Variants in NOL9 observed in about 807,000 individuals in gnomAD.
NOL9 encodes nucleolar protein 9.
Under a neutral mutation model 67.9 loss-of-function variants are expected in NOL9, and 28 were observed. The observed-to-expected ratio is 0.41, with a 90% CI of 0.31 to 0.57. The LOEUF is 0.57. Among genes scored for constraint, NOL9 ranks in the 20% least tolerant of loss-of-function variants. The pLI, the probability that NOL9 is intolerant of heterozygous loss-of-function variation, is 0.25. For synonymous variants in NOL9, 356 were observed against 352.2 expected, an observed-to-expected ratio of 1.01 and a Z score of -0.12; for missense variants, 777 against 897.0, an observed-to-expected ratio of 0.87 and a Z score of 1.71.
chr1:6,545,645 T>C (rs1447666776), intron 3 of NOL9, among the ~76,000 whole-genome samples: 2 of 152,164 alleles, frequency 1.3e-5, no homozygotes, highest in Non-Finnish European at 2.9e-5. Context: ...GAGCAGGCCC[T>C]TGCTGAGGCA....
intron 9 of NOL9, among the ~76,000 whole-genome samples, chr1:6,531,503 A>G (rs866291007): frequency 2.0e-5 from 3 of 151,944 alleles, no homozygotes; most frequent in African/African-American, 7.3e-5. Context: ...GTGAGCCACC[A>G]CGCCCGGCTA....
intron 3 of NOL9, chr1:6,549,115 G>T: frequency 6.4e-6 from 1 of 155,474 alleles, no homozygotes; most frequent in Non-Finnish European, 1.4e-5. Context: ...AAATTAGCCG[G>T]GCATGGTGGC....
chr1:6,550,579 G>C lies in NOL9; in HGVS notation c.433C>G (p.Leu145Val), dbSNP rs375025359. 6.2e-7 allele frequency: 1 copy of C among 1,613,622 alleles called. No individual in the cohort carries two copies. Among genetic ancestry groups the C allele is most frequent in the Non-Finnish European group, 8.5e-7 (1 of 1,179,948 alleles). ...CCAAATACCTGCACCTGGCCATAGAGGCAAGTCACACGACAGATCCCACTA... is the reference window on the plus strand; with the variant it reads ...CCAAATACCTGCACCTGGCCATAGACGCAAGTCACACGACAGATCCCACTA... ...TFSGICRVTC[L>V]YGQVQVFGFT... The change falls in exon 2 of 12, where the codon CTC (leucine) becomes GTC (valine). Residue 145 changes from leucine (L) to valine (V), a missense_variant. Physicochemically the swap from Leu to Val is conservative, Grantham distance 32. Coordinates refer to ENST00000377705, the MANE Select transcript of NOL9 (RefSeq NM_024654.5).
At chr1:6,531,865 A>G in intron 9 of NOL9, 103 bp downstream of exon 9, 2 of 830,762 alleles carry the variant, frequency 2.4e-6, no homozygotes, top group Non-Finnish European at 2.0e-6. Context: ...TGAGGATTAA[A>G]TGAGCGAGGA....
chr1:6,522,990 A>C lies in NOL9; in HGVS notation c.*2864T>G, dbSNP rs964851822. ...AGCCTAGCCAATACGGTGAAACCCT[A>C]TCTCTACTAAAAATATAAAAATTAG... is the stretch of plus-strand genomic sequence containing the variant. On this transcript the variant is annotated 3_prime_UTR_variant, in exon 12 of 12. Transcript: ENST00000377705. 1.3e-5 allele frequency: 2 copies of C among 150,330 alleles called. No homozygotes were observed. Among genetic ancestry groups the C allele is most frequent in the Admixed American group, 6.7e-5 (1 of 14,980 alleles). The allele number at this position is 150,330 out of a possible 1,614,324, so 9.3% of individuals were successfully genotyped here. A position where few individuals can be genotyped will look rare whatever the true frequency, so the allele number is the denominator to read the frequency against.
At chr1:6,533,209 C>T (rs1233546999) in intron 7 of NOL9, 71 bp downstream of exon 7, 34 of 1,440,860 alleles carry the variant, frequency 2.4e-5, no homozygotes, top group Non-Finnish European at 2.9e-5. Flanking sequence ...TGGGCTTTAA[C>T]GTGAATGTCT....
chr1:6,532,374 G>C (rs1639048677), intron 8 of NOL9, 89 bp downstream of exon 8: 11 of 1,238,174 alleles, frequency 8.9e-6, no homozygotes, highest in Non-Finnish European at 1.1e-5. Flanking sequence ...GAAGATCTTA[G>C]AGGACTCAGG....
rs141759623 is a variant in NOL9 at position 6,531,077 on chromosome 1, G to A, written c.1647+891C>T. 5.1e-4 allele frequency among the ~76,000 whole-genome samples: 78 copies of A among 152,290 alleles called. 1 individual carries two copies. The highest frequency in any genetic ancestry group is 1.7e-3 in the African/African-American group (70 of 41,560). On this transcript the variant is annotated intron_variant, in intron 9 of 11. Transcript: ENST00000377705. ...AAGCATTTCAGAAGTGCTACCTGCC[G>A]CTAGTTTTGTTTTTTCATCATCCCG...
At chr1:6,537,911 CAGG>C (rs1329763779) in intron 6 of NOL9, among the ~76,000 whole-genome samples, 6 of 140,772 alleles carry the variant, frequency 4.3e-5, no homozygotes, top group African/African-American at 1.6e-4. Flanking sequence ...ATCATGAGGT[CAGG>C]AGATTGAGAC....
chr1:6,531,832 C>G, intron 9 of NOL9, 136 bp downstream of exon 9: 2 of 709,414 alleles, frequency 2.8e-6, no homozygotes, highest in Non-Finnish European at 5.0e-6. Flanking sequence ...AATAACGACA[C>G]AAGCTGTGTC....
chr1:6,529,694 G>A (rs1638977536), intron 9 of NOL9, among the ~76,000 whole-genome samples: 1 of 152,196 alleles, frequency 6.6e-6, no homozygotes, highest in African/African-American at 2.4e-5. Context: ...GGGAGGCCAA[G>A]GTGGGTTGAT....
intron 6 of NOL9, among the ~76,000 whole-genome samples, chr1:6,534,319 G>T (rs1046580394): frequency 1.3e-5 from 2 of 152,194 alleles, no homozygotes; most frequent in African/African-American, 2.4e-5. Flanking sequence ...AAACCCAGAG[G>T]GGCCGGCTCC....
chr1:6,535,264 G>A lies in NOL9; in HGVS notation c.1076-1823C>T, dbSNP rs141115989. ...CAATAACACACCAGAGGCAACAAGC[G>A]TGCACAGTACTGAAACTCTGGTTTC... On this transcript the variant is annotated intron_variant, in intron 6 of 11. Coordinates refer to ENST00000377705, the MANE Select transcript of NOL9 (RefSeq NM_024654.5). 8.1e-3 allele frequency among the ~76,000 whole-genome samples: 1,230 copies of A among 152,320 alleles called. 19 individuals carry two copies. The highest frequency in any genetic ancestry group is 0.027 in the African/African-American group (1,121 of 41,580).
intron 3 of NOL9, among the ~76,000 whole-genome samples, chr1:6,545,875 C>A (rs1005181524): frequency 7.1e-6 from 1 of 140,104 alleles, no homozygotes; most frequent in African/African-American, 2.7e-5. Flanking sequence ...GACTGTGGCA[C>A]TGCACTCCAA....
intron 1 of NOL9, among the ~76,000 whole-genome samples, chr1:6,552,269 A>C (rs1363001844): frequency 6.6e-6 from 1 of 152,114 alleles, no homozygotes; most frequent in Non-Finnish European, 1.5e-5. Context: ...CACCCTGCGT[A>C]TGTACCCTGG....
rs1311569550 is a variant in NOL9, at chr1:6,522,959, G to A, written c.*2895C>T. The A allele has an allele frequency of 2.0e-5, 3 of 146,880 alleles. No homozygotes were observed. The highest frequency in any genetic ancestry group is 3.0e-5 in the Non-Finnish European group (2 of 67,446). 9.1% of individuals were successfully genotyped at this position (146,880 alleles called of 1,614,324 possible). A position where few individuals can be genotyped will look rare whatever the true frequency, so the allele number is the denominator to read the frequency against. On this transcript the variant is annotated 3_prime_UTR_variant, in exon 12 of 12. Coordinates refer to ENST00000377705, the MANE Select transcript of NOL9 (RefSeq NM_024654.5). ...AAGCGGATCACAAGGTCAGGAGATC[G>A]AGACCAGCCTAGCCAATACGGTGAA... is the stretch of plus-strand genomic sequence containing the variant.
chr1:6,542,488 T>C (rs1398487087), intron 5 of NOL9, among the ~76,000 whole-genome samples: 1 of 147,404 alleles, frequency 6.8e-6, no homozygotes, highest in African/African-American at 2.5e-5. Flanking sequence ...GATGGAGTCC[T>C]GCTCTGTCGC....
intron 6 of NOL9, 74 bp downstream of exon 6, chr1:6,541,756 T>C: frequency 4.7e-6 from 4 of 850,210 alleles, no homozygotes; most frequent in Non-Finnish European, 7.3e-6. Flanking sequence ...ACTCTTCGAT[T>C]TCTGAGTTTT....
At chr1:6,535,548 G>A (rs761819394) in intron 6 of NOL9, among the ~76,000 whole-genome samples, 6 of 152,142 alleles carry the variant, frequency 3.9e-5, no homozygotes, top group South Asian at 2.1e-4. Context: ...AGGGCAGAGC[G>A]GCTGCTTATA....
Sources: gnomAD v4.1 joint callset for allele counts (sites outside exome capture counted in the v4.1 genomes callset) on GRCh38, gnomAD v4.1.1 for gene constraint, MANE v1.5 for transcripts, NCBI Gene and HGNC (gene_info 2026-07-23, HGNC 2026-07-21) for gene names.